Variants in SLC14A1 observed in about 807,000 individuals in gnomAD.
The protein encoded by SLC14A1 is urea transporter 1.
A neutral mutation model predicts 39.6 loss-of-function variants in SLC14A1; 36 were observed. That is an observed-to-expected ratio of 0.91 (90% CI 0.70 to 1.20). SLC14A1 has a LOEUF of 1.20. SLC14A1 is among the 50% of genes most tolerant of loss of function. SLC14A1 has a pLI of 0.00. For synonymous variants in SLC14A1, 164 were observed against 173.6 expected, an observed-to-expected ratio of 0.94 and a Z score of 0.43; for missense variants, 469 against 478.7, an observed-to-expected ratio of 0.98 and a Z score of 0.19.
intron 8 of SLC14A1, among the ~76,000 whole-genome samples, chr18:45,743,823 T>C (rs1005133738): frequency 6.6e-6 from 1 of 152,212 alleles, no homozygotes; most frequent in Non-Finnish European, 1.5e-5. Context: ...ATATGACTGA[T>C]ACCCAAGCCT....
intron 4 of SLC14A1, among the ~76,000 whole-genome samples, chr18:45,733,241 A>G (rs1269395217): frequency 6.6e-6 from 1 of 152,194 alleles, no homozygotes; most frequent in African/African-American, 2.4e-5. Context: ...TACCCCCTCA[A>G]TCTAAAGAAG....
intron 8 of SLC14A1, chr18:45,747,243 C>T (rs1568048345): frequency 6.6e-6 from 1 of 152,138 alleles, no homozygotes; most frequent in Non-Finnish European, 1.5e-5. Context: ...CTGAGGGCTT[C>T]CCTGAGCCTC....
chr18:45,729,056 T>C (rs935946277), intron 2 of SLC14A1: 1 of 152,190 alleles, frequency 6.6e-6, no homozygotes, highest in African/African-American at 2.4e-5. Flanking sequence ...AATGGAACAA[T>C]GATGGGGCCA....
intron 6 of SLC14A1, 56 bp from the exon 7 acceptor site, chr18:45,739,107 G>A: frequency 6.3e-7 from 1 of 1,596,684 alleles, no homozygotes; most frequent in East Asian, 2.2e-5. Context: ...TGGGTGTCCT[G>A]TGGGTTTCTG....
chr18:45,751,597 G>T lies in SLC14A1; in HGVS notation c.*1646G>T. On this transcript the variant is annotated 3_prime_UTR_variant, in exon 10 of 10. Coordinates refer to ENST00000321925, the MANE Select transcript of SLC14A1 (RefSeq NM_015865.7). ...GTTCAAGACCAGCTTGGGCAACATAGCAAGACTCCATCTCTTAAAAAATAA... is the reference window on the plus strand; with the variant it reads ...GTTCAAGACCAGCTTGGGCAACATATCAAGACTCCATCTCTTAAAAAATAA... 1 of 748,864 alleles carries T rather than the reference G, an allele frequency of 1.3e-6. No individual in the cohort carries two copies. Among genetic ancestry groups the T allele is most frequent in the Non-Finnish European group, 1.6e-6 (1 of 614,786 alleles). 46.4% of individuals were successfully genotyped at this position (748,864 alleles called of 1,614,324 possible). A position where few individuals can be genotyped will look rare whatever the true frequency, so the allele number is the denominator to read the frequency against.
chr18:45,739,347 C>T, intron 7 of SLC14A1, 37 bp downstream of exon 7: 1 of 1,613,850 alleles, frequency 6.2e-7, no homozygotes, highest in African/African-American at 1.3e-5. Context: ...TTGAGCACCT[C>T]CTCCATCCCA....
At chr18:45,728,425 A>G (rs2046931717) in intron 2 of SLC14A1, among the ~76,000 whole-genome samples, 1 of 152,220 alleles carries the variant, frequency 6.6e-6, no homozygotes, top group Non-Finnish European at 1.5e-5. Flanking sequence ...AGGGTTTTAT[A>G]GATTCAGTTC....
chr18:45,740,944 A>G (rs542746086), intron 8 of SLC14A1, among the ~76,000 whole-genome samples: 4 of 152,288 alleles, frequency 2.6e-5, no homozygotes, highest in Admixed American at 2.6e-4. Context: ...TGTTCTAGCC[A>G]GACTCAGCCT....
At chr18:45,732,516 G>C (rs1001371537) in intron 4 of SLC14A1, among the ~76,000 whole-genome samples, 1 of 152,164 alleles carries the variant, frequency 6.6e-6, no homozygotes, top group Non-Finnish European at 1.5e-5. Flanking sequence ...TTTGAATAGG[G>C]AACCCCACAT....
intron 5 of SLC14A1, among the ~76,000 whole-genome samples, chr18:45,735,334 G>A (rs931676458): frequency 1.6e-4 from 24 of 152,180 alleles, no homozygotes; most frequent in African/African-American, 5.6e-4. Flanking sequence ...TCTGGGGTGG[G>A]GCCCGAGAAT....
chr18:45,743,575 C>T (rs990449275), intron 8 of SLC14A1, among the ~76,000 whole-genome samples: 1 of 152,146 alleles, frequency 6.6e-6, no homozygotes, highest in Non-Finnish European at 1.5e-5. Context: ...GCCTCAGTTT[C>T]CCCATCTTAG....
At chr18:45,736,745 T>C in intron 6 of SLC14A1, 97 bp downstream of exon 6, 3 of 1,048,360 alleles carry the variant, frequency 2.9e-6, no homozygotes, top group Admixed American at 3.7e-5. Context: ...TCCTAGATGC[T>C]CAGGACTATG....
intron 8 of SLC14A1, among the ~76,000 whole-genome samples, chr18:45,746,519 G>C (rs1199612993): frequency 2.0e-5 from 3 of 152,208 alleles, no homozygotes; most frequent in African/African-American, 7.2e-5. Flanking sequence ...ATTTTAAAAA[G>C]AGAGAAAGCA....
chr18:45,744,639 A>G (rs1375207122), intron 8 of SLC14A1, among the ~76,000 whole-genome samples: 1 of 151,258 alleles, frequency 6.6e-6, no homozygotes. Context: ...TCTAGATGTA[A>G]CTTTTTTTTC....
Position 45,739,570 on chromosome 18 carries a change from T to C in SLC14A1, c.854T>C (p.Leu285Pro). 3 of 1,614,188 alleles carry C rather than the reference T, an allele frequency of 1.9e-6. No homozygotes were observed. Among genetic ancestry groups the C allele is most frequent in the Non-Finnish European group, 2.5e-6 (3 of 1,180,022 alleles). Residue 285 changes from leucine to proline, a missense_variant, in exon 8 of 10, where the codon CTC (leucine) becomes CCC (proline). Leu to Pro is a moderately conservative substitution (Grantham distance 98). Coordinates refer to ENST00000321925, the MANE Select transcript of SLC14A1 (RefSeq NM_015865.7). ...CCATTTGAGGACATCTACTTTGGACTCTGGGGTTTCAACAGCTCTCTGGCC... is the reference window on the plus strand; with the variant it reads ...CCATTTGAGGACATCTACTTTGGACCCTGGGGTTTCAACAGCTCTCTGGCC... ...SAPFEDIYFG[L>P]WGFNSSLACI...
At chr18:45,729,464 T>C (rs1417483052) in intron 2 of SLC14A1, 1 of 152,214 alleles carries the variant, frequency 6.6e-6, no homozygotes, top group East Asian at 1.9e-4. Flanking sequence ...GTGAACACAG[T>C]CATGGTTATA....
intron 8 of SLC14A1, among the ~76,000 whole-genome samples, chr18:45,740,810 T>C (rs1307681783): frequency 1.3e-5 from 2 of 152,144 alleles, no homozygotes; most frequent in Non-Finnish European, 2.9e-5. Context: ...AGTGCTGGGA[T>C]TACAGGCATA....
chr18:45,748,172 G>A (rs113880322), intron 8 of SLC14A1, among the ~76,000 whole-genome samples: 9 of 152,224 alleles, frequency 5.9e-5, no homozygotes, highest in African/African-American at 2.2e-4. Flanking sequence ...CATTGTACAG[G>A]TGAGGAAATG....
Position 45,734,332 on chromosome 18 carries a change from G to A in SLC14A1, c.400G>A (p.Ala134Thr). 6 of 1,614,022 alleles carry A rather than the reference G, an allele frequency of 3.7e-6. No homozygotes were observed. Among genetic ancestry groups the A allele is most frequent in the Non-Finnish European group, 5.1e-6 (6 of 1,179,968 alleles). ...YNATLVGVLM[A>T]VFSDKGDYFW... ...TGCCACCCTGGTGGGAGTACTCATG[G>A]CTGTCTTTTCGGACAAGGGAGACTA... Residue 134 changes from alanine to threonine, a missense_variant, in exon 5 of 10, where the codon GCT (alanine) becomes ACT (threonine). Coordinates refer to ENST00000321925, the MANE Select transcript of SLC14A1 (RefSeq NM_015865.7).
Sources: gnomAD v4.1 joint callset for allele counts (sites outside exome capture counted in the v4.1 genomes callset) on GRCh38, gnomAD v4.1.1 for gene constraint, MANE v1.5 for transcripts, NCBI Gene and HGNC (gene_info 2026-07-23, HGNC 2026-07-21) for gene names.